SLC10A7: variants seen among roughly 807,000 people sequenced by gnomAD.
SLC10A7 encodes the protein solute carrier family 10 member 7.
In SLC10A7, 29 loss-of-function variants were observed where a neutral mutation model predicts 43.2. The ratio of observed to expected loss-of-function variants is 0.67; its 90% CI spans 0.50 to 0.92. The LOEUF is 0.92. SLC10A7 is among the 40% of genes least tolerant of loss of function. The pLI is 0.00. For missense variants in SLC10A7, 295 were observed against 403.2 expected (o/e 0.73, Z 2.30); for synonymous variants, 152 against 144.8 (o/e 1.05, Z -0.35).
intron 5 of SLC10A7, among the ~76,000 whole-genome samples, chr4:146,336,992 T>C (rs1435694755): frequency 2.0e-5 from 3 of 152,080 alleles, no homozygotes; most frequent in Non-Finnish European, 4.4e-5. Flanking sequence ...CTCATAGAAC[T>C]GTATTACATT....
Position 146,285,800 on chromosome 4 carries a change from T to C in SLC10A7, c.774-2535A>G, listed in dbSNP as rs368018497. The stretch of plus-strand genomic sequence containing the variant: ...TTTGTAGTGGTAAAAAGGACTGTGT[T>C]TGGAGTGGTGAGAAAGACTGTGTTT... On this transcript the variant is annotated intron_variant, in intron 9 of 11. Transcript: ENST00000335472. Among the ~76,000 whole-genome samples the C allele has an allele frequency of 1.7e-4, 26 of 152,214 alleles. 1 individual carries two copies. In the East Asian group the frequency reaches 1.9e-3, roughly 11 times the overall value.
In SLC10A7 at chr4:146,290,551, AG is replaced by A. The variant is rs888534208; in HGVS notation, c.773+2377del. ...CAAAGAAAGTGCTGGTTTGACTGTA[AG>A]TCAAGGAAGTTAAAAACCTGACAGA... On this transcript the variant is annotated intron_variant, in intron 9 of 11. Transcript: ENST00000335472. 1.2e-3 allele frequency among the ~76,000 whole-genome samples: 180 copies of A among 152,224 alleles called. 2 individuals carry two copies. The highest frequency in any genetic ancestry group is 4.0e-3 in the African/African-American group (167 of 41,542).
At chr4:146,514,129 C>T (rs961789339) in intron 2 of SLC10A7, 15 of 152,218 alleles carry the variant, frequency 9.9e-5, no homozygotes, top group Non-Finnish European at 1.6e-4. Flanking sequence ...GAGTCAGGCT[C>T]ATAGCTCTGG....
intron 10 of SLC10A7, among the ~76,000 whole-genome samples, chr4:146,279,333 A>G (rs538140248): frequency 6.6e-6 from 1 of 152,318 alleles, no homozygotes; most frequent in Non-Finnish European, 1.5e-5. Context: ...AAGTGATTTG[A>G]ATACTCAAGA....
intron 5 of SLC10A7, among the ~76,000 whole-genome samples, chr4:146,363,525 A>T (rs1404384052): frequency 6.6e-6 from 1 of 152,180 alleles, no homozygotes. Flanking sequence ...CATCTACAGA[A>T]CATTTCATTC....
rs143209474 is a variant in SLC10A7 at position 146,319,217 on chromosome 4, C to T, written c.471+6744G>A. On this transcript the variant is annotated intron_variant, in intron 6 of 11. Transcript: ENST00000335472. ...CTGACATCATCTTAATTTACTCTCT[C>T]CCTTGTTCACTGTATTCCAGTCACA... 2.6e-4 allele frequency among the ~76,000 whole-genome samples: 40 copies of T among 152,192 alleles called. No homozygotes were observed. In the East Asian group the frequency reaches 5.4e-3, roughly 21 times the overall value.
intron 4 of SLC10A7, among the ~76,000 whole-genome samples, chr4:146,456,772 C>G (rs899003215): frequency 6.6e-6 from 1 of 151,852 alleles, no homozygotes; most frequent in African/African-American, 2.4e-5. Context: ...CAATCTCCAG[C>G]CCCCTCCTCT....
intron 5 of SLC10A7, among the ~76,000 whole-genome samples, chr4:146,360,478 T>C (rs960530558): frequency 1.3e-5 from 2 of 152,172 alleles, no homozygotes; most frequent in African/African-American, 2.4e-5. Context: ...TCTTGCTTTG[T>C]TGCCCAGGCT....
rs139887579 is a variant in SLC10A7, at chr4:146,312,433, G to A, written c.472-6424C>T. Among the ~76,000 whole-genome samples, 598 of 152,172 alleles carry A rather than the reference G, an allele frequency of 3.9e-3. 2 individuals are homozygous for A. The highest frequency in any genetic ancestry group is 0.013 in the African/African-American group (548 of 41,530). ...CTCACATAGTTACCTTTTTGTGTAT[G>A]ATCTTAATACTTAAGATCTAATCAC... is the stretch of plus-strand genomic sequence containing the variant. On this transcript the variant is annotated intron_variant, in intron 6 of 11. Transcript: ENST00000335472.
intron 5 of SLC10A7, among the ~76,000 whole-genome samples, chr4:146,351,319 G>C (rs552810780): frequency 3.5e-4 from 53 of 151,322 alleles, no homozygotes; most frequent in African/African-American, 1.2e-3. Context: ...AAGCGAGAAG[G>C]GAAGTTTAGA....
chr4:146,377,334 A>C (rs1737277947), intron 5 of SLC10A7, among the ~76,000 whole-genome samples: 1 of 152,164 alleles, frequency 6.6e-6, no homozygotes, highest in Non-Finnish European at 1.5e-5. Context: ...AGGATGTAAA[A>C]GGCTGTCACC....
chr4:146,301,230 C>G (rs1016791047), intron 7 of SLC10A7, among the ~76,000 whole-genome samples: 4 of 152,134 alleles, frequency 2.6e-5, no homozygotes, highest in Non-Finnish European at 5.9e-5. Flanking sequence ...AGGCAGGCGT[C>G]ACATTAGAGG....
At chr4:146,469,460 G>A (rs922373191) in intron 4 of SLC10A7, among the ~76,000 whole-genome samples, 1 of 152,138 alleles carries the variant, frequency 6.6e-6, no homozygotes, top group African/African-American at 2.4e-5. Flanking sequence ...CCTTCTACTT[G>A]AATCTGCATA....
At chr4:146,520,217 T>C (rs1738494348) in intron 1 of SLC10A7, among the ~76,000 whole-genome samples, 1 of 152,220 alleles carries the variant, frequency 6.6e-6, no homozygotes, top group African/African-American at 2.4e-5. Context: ...GAAGTGTGCA[T>C]TGCAGATCAT....
intron 4 of SLC10A7, among the ~76,000 whole-genome samples, chr4:146,501,080 T>C (rs984839593): frequency 6.6e-6 from 1 of 152,182 alleles, no homozygotes; most frequent in Non-Finnish European, 1.5e-5. Flanking sequence ...TTATTCCTCA[T>C]TCCCTTGACC....
chr4:146,300,885 C>T (rs1393984971), intron 7 of SLC10A7, among the ~76,000 whole-genome samples: 1 of 152,050 alleles, frequency 6.6e-6, no homozygotes, highest in Non-Finnish European at 1.5e-5. Context: ...GAACAAATGG[C>T]AACCTAGGGA....
At chr4:146,406,077 T>G (rs534792727) in intron 5 of SLC10A7, among the ~76,000 whole-genome samples, 1 of 152,310 alleles carries the variant, frequency 6.6e-6, no homozygotes, top group East Asian at 1.9e-4. Flanking sequence ...TGTACTTCTC[T>G]TAAAGTAACT....
At chr4:146,356,927 T>C (rs58494546) in intron 5 of SLC10A7, among the ~76,000 whole-genome samples, 1,668 of 152,312 alleles carry the variant, frequency 0.011, 25 homozygotes, top group African/African-American at 0.038. Context: ...AAATACAGTA[T>C]ACCTTTATTG....
At chr4:146,432,746 T>C (rs578081130) in intron 5 of SLC10A7, among the ~76,000 whole-genome samples, 1 of 152,280 alleles carries the variant, frequency 6.6e-6, no homozygotes, top group South Asian at 2.1e-4. Flanking sequence ...GTATAGAAAT[T>C]ATACCTCAAT....
Sources: allele counts gnomAD v4.1 joint callset (sites outside exome capture counted in the v4.1 genomes callset), GRCh38; gene constraint gnomAD v4.1.1; transcripts MANE v1.5; gene names NCBI Gene and HGNC (gene_info 2026-07-23, HGNC 2026-07-21).